Variants in CAMKMT observed in about 807,000 individuals in gnomAD.
The protein encoded by CAMKMT is CaM KMT.
A neutral mutation model predicts 48.0 loss-of-function variants in CAMKMT; 53 were observed. The ratio of observed to expected loss-of-function variants is 1.10; its 90% CI spans 0.89 to 1.39. CAMKMT has a LOEUF of 1.39. Ranked by LOEUF, CAMKMT falls within the 40% of genes most tolerant of loss-of-function variation. CAMKMT has a pLI of 0.00. For synonymous variants in CAMKMT, 165 were observed against 152.3 expected, an observed-to-expected ratio of 1.08 and a Z score of -0.61; for missense variants, 428 against 402.7, an observed-to-expected ratio of 1.06 and a Z score of -0.54.
chr2:44,636,404 C>G lies in CAMKMT; in HGVS notation c.377-67879C>G, dbSNP rs563230394. ...TGGAGAATGCATGTAAAGAACCAGT[C>G]CCGAGGAAAACCTCAATGACTGAAG... On this transcript the variant is annotated intron_variant, in intron 3 of 10. Transcript: ENST00000378494. 5.8e-4 allele frequency among the ~76,000 whole-genome samples: 88 copies of G among 152,300 alleles called. No individual in the cohort carries two copies. In the South Asian group the frequency reaches 0.018, roughly 30 times the overall value.
At chr2:44,582,065 G>A (rs539438662) in intron 3 of CAMKMT, among the ~76,000 whole-genome samples, 3 of 152,268 alleles carry the variant, frequency 2.0e-5, no homozygotes, top group East Asian at 1.9e-4. Flanking sequence ...ATTCTCAAAC[G>A]TTATTTATGT....
intron 6 of CAMKMT, among the ~76,000 whole-genome samples, chr2:44,713,754 G>C (rs1022070900): frequency 1.3e-5 from 2 of 152,158 alleles, no homozygotes; most frequent in Non-Finnish European, 2.9e-5. Flanking sequence ...AGCTATCACA[G>C]TACCTGCTTA....
intron 9 of CAMKMT, among the ~76,000 whole-genome samples, chr2:44,754,491 T>C (rs112961974): frequency 1.2e-4 from 18 of 152,372 alleles, no homozygotes; most frequent in African/African-American, 4.3e-4. Context: ...ATTCCTTCAA[T>C]GGCAACCTTT....
At position 44,706,356 on chromosome 2, in the gene CAMKMT, CA is replaced by C. The variant is rs1558808159; in HGVS notation, c.492+16del. On this transcript the variant is annotated intron_variant, in intron 5 of 10. Transcript: ENST00000378494. ...CTGGGCTCATGGTAGGTCTTTTCTC[CA>C]TTCCAATCCCATTCAGAGGGAGGAA... The C allele has an allele frequency of 6.2e-7, 1 of 1,612,698 alleles. No homozygotes were observed.
At chr2:44,370,908 T>A (rs1679108648) in intron 1 of CAMKMT, among the ~76,000 whole-genome samples, 1 of 152,212 alleles carries the variant, frequency 6.6e-6, no homozygotes, top group Admixed American at 6.5e-5. Flanking sequence ...ACTCCTATGC[T>A]CAAGCAATCC....
intron 3 of CAMKMT, among the ~76,000 whole-genome samples, chr2:44,435,370 A>G (rs1666169049): frequency 2.0e-5 from 3 of 152,184 alleles, no homozygotes; most frequent in Admixed American, 1.3e-4. Flanking sequence ...TGGCACTTAC[A>G]GTCTAGATTT....
At chr2:44,375,683 A>G (rs1449867864) in intron 2 of CAMKMT, among the ~76,000 whole-genome samples, 2 of 152,170 alleles carry the variant, frequency 1.3e-5, no homozygotes. Flanking sequence ...AAGAAAGAGC[A>G]AGACAGAATC....
At chr2:44,547,136 T>C (rs1325618854) in intron 3 of CAMKMT, among the ~76,000 whole-genome samples, 4 of 152,156 alleles carry the variant, frequency 2.6e-5, no homozygotes, top group Admixed American at 6.5e-5. Context: ...ATTTTCTGTA[T>C]CCTCAAAGAA....
At chr2:44,448,616 TA>T (rs576048909) in intron 3 of CAMKMT, among the ~76,000 whole-genome samples, 2 of 152,184 alleles carry the variant, frequency 1.3e-5, no homozygotes, top group Admixed American at 1.3e-4. Flanking sequence ...ACTAATTCTG[TA>T]AAAAAAGTCC....
chr2:44,629,749 C>A (rs888936513), intron 3 of CAMKMT, among the ~76,000 whole-genome samples: 1 of 152,106 alleles, frequency 6.6e-6, no homozygotes, highest in Non-Finnish European at 1.5e-5. Flanking sequence ...TAAAAGAGGA[C>A]ACAAACAAAT....
chr2:44,488,358 G>C (rs975149834), intron 3 of CAMKMT, among the ~76,000 whole-genome samples: 1 of 152,132 alleles, frequency 6.6e-6, no homozygotes, highest in African/African-American at 2.4e-5. Flanking sequence ...AAAAAAATTA[G>C]CTGAGTGTGG....
At chr2:44,499,797 T>G (rs1669922702) in intron 3 of CAMKMT, among the ~76,000 whole-genome samples, 1 of 152,218 alleles carries the variant, frequency 6.6e-6, no homozygotes, top group Non-Finnish European at 1.5e-5. Flanking sequence ...TGAAAGGCTT[T>G]TGGCACAATA....
At chr2:44,401,954 A>G (rs993524706) in intron 3 of CAMKMT, among the ~76,000 whole-genome samples, 18 of 152,016 alleles carry the variant, frequency 1.2e-4, no homozygotes, top group Non-Finnish European at 2.5e-4. Flanking sequence ...GTTTTGGAGG[A>G]TTATAAACTC....
intron 3 of CAMKMT, among the ~76,000 whole-genome samples, chr2:44,619,071 G>A (rs979533974): frequency 6.6e-6 from 1 of 152,104 alleles, no homozygotes; most frequent in Non-Finnish European, 1.5e-5. Flanking sequence ...TTTCATGGAA[G>A]GGATATAAAC....
At chr2:44,399,632 A>T (rs1572762623) in intron 3 of CAMKMT, among the ~76,000 whole-genome samples, 1 of 152,064 alleles carries the variant, frequency 6.6e-6, no homozygotes. Context: ...CAAGAAAAAA[A>T]AAAAGCTAAG....
intron 3 of CAMKMT, among the ~76,000 whole-genome samples, chr2:44,671,110 G>A (rs908004354): frequency 2.1e-4 from 32 of 152,162 alleles, no homozygotes; most frequent in African/African-American, 7.0e-4. Flanking sequence ...AGCTGACTTT[G>A]TAGTCTCCTT....
At chr2:44,490,526 C>T (rs938505040) in intron 3 of CAMKMT, among the ~76,000 whole-genome samples, 17 of 152,146 alleles carry the variant, frequency 1.1e-4, no homozygotes, top group South Asian at 2.1e-4. Flanking sequence ...CCACCTGCCT[C>T]GGCCTCCCAA....
intron 3 of CAMKMT, among the ~76,000 whole-genome samples, chr2:44,617,125 A>G (rs1276451716): frequency 3.3e-5 from 5 of 152,220 alleles, no homozygotes; most frequent in Non-Finnish European, 7.3e-5. Flanking sequence ...TACCCACACA[A>G]GAGACTGATA....
chr2:44,554,611 C>T (rs1256606836), intron 3 of CAMKMT, among the ~76,000 whole-genome samples: 5 of 152,106 alleles, frequency 3.3e-5, no homozygotes, highest in Admixed American at 6.6e-5. Context: ...TAGTACATGC[C>T]TATAGTCCCA....
Sources: gnomAD v4.1 joint callset for allele counts (sites outside exome capture counted in the v4.1 genomes callset) on GRCh38, gnomAD v4.1.1 for gene constraint, MANE v1.5 for transcripts, NCBI Gene and HGNC (gene_info 2026-07-23, HGNC 2026-07-21) for gene names.